PRKCQ: variants seen among roughly 807,000 people sequenced by gnomAD.
The protein encoded by PRKCQ is protein kinase C theta.
In PRKCQ, 41 loss-of-function variants were observed where a neutral mutation model predicts 91.2. The ratio of observed to expected loss-of-function variants is 0.45; its 90% CI spans 0.35 to 0.58. The LOEUF (loss-of-function observed/expected upper bound fraction) is 0.58, where lower values mean the gene tolerates loss of function less well. PRKCQ is among the 20% of genes least tolerant of loss of function. PRKCQ has a pLI of 0.00. For synonymous variants in PRKCQ, 307 were observed against 316.9 expected, an observed-to-expected ratio of 0.97 and a Z score of 0.33; for missense variants, 673 against 896.5, an observed-to-expected ratio of 0.75 and a Z score of 3.18.
At chr10:6,484,777 T>TC (rs1374635484) in intron 10 of PRKCQ, among the ~76,000 whole-genome samples, 1 of 152,194 alleles carries the variant, frequency 6.6e-6, no homozygotes, top group Non-Finnish European at 1.5e-5. Context: ...TCCTTCTCTT[T>TC]CCTACCCTTA....
Position 6,430,845 on chromosome 10 carries a change from G to A in PRKCQ, c.1930C>T (p.Arg644Trp), listed in dbSNP as rs201623843. ...FREINWEELE[R>W]KEIDPPFRPK... ...CGGAACGGTGGGTCAATCTCCTTCC[G>A]TTCAAGTTCCTCCCAGTTGATCTCC... Residue 644 changes from arginine to tryptophan, a missense_variant, in exon 17 of 18, where the codon CGG becomes TGG. Transcript: ENST00000263125. This position sits in a 1 kb window ranked among gnomAD's most constrained non-coding sequence, Gnocchi z 4.7. 5 of 1,614,064 alleles carry A rather than the reference G, an allele frequency of 3.1e-6. No individual in the cohort carries two copies. The highest frequency in any genetic ancestry group is 1.1e-5 in the South Asian group (1 of 91,074).
Position 6,532,467 on chromosome 10 carries a change from A to G in PRKCQ, c.-9-17323T>C, listed in dbSNP as rs370735756. Among the ~76,000 whole-genome samples the G allele has an allele frequency of 2.0e-5, 3 of 151,636 alleles. No individual in the cohort carries two copies. The South Asian group carries it at 6.3e-4, about 32-fold the overall frequency. On this transcript the variant is annotated intron_variant, in intron 1 of 17. Coordinates refer to ENST00000263125, the MANE Select transcript of PRKCQ (RefSeq NM_006257.5). ...ATGTGCTTCGGTCTACAGTCATCCC[A>G]CCCCGACTGCACCCAATCTTGACAT...
chr10:6,471,475 G>A (rs10906654), intron 12 of PRKCQ, among the ~76,000 whole-genome samples: 46,088 of 152,022 alleles, frequency 0.3, 7,652 homozygotes, highest in Non-Finnish European at 0.35. Flanking sequence ...GGGCATGGTG[G>A]CTCATGCCTG....
At chr10:6,549,085 T>C (rs1840083814) in intron 1 of PRKCQ, among the ~76,000 whole-genome samples, 1 of 152,128 alleles carries the variant, frequency 6.6e-6, no homozygotes, top group East Asian at 1.9e-4. Flanking sequence ...TCCAAGGGCT[T>C]ACATTCTAAT....
intron 1 of PRKCQ, among the ~76,000 whole-genome samples, chr10:6,536,505 CT>C (rs112978853): frequency 0.039 from 6,005 of 152,230 alleles, 331 homozygotes; most frequent in African/African-American, 0.12. Flanking sequence ...GCAGACAAGG[CT>C]ATAACTGAAA....
At chr10:6,460,578 G>A (rs1426715088) in intron 14 of PRKCQ, among the ~76,000 whole-genome samples, 2 of 151,736 alleles carry the variant, frequency 1.3e-5, no homozygotes, top group Non-Finnish European at 2.9e-5. Context: ...TGCAACCTCC[G>A]CCTAACAGGT....
intron 1 of PRKCQ, among the ~76,000 whole-genome samples, chr10:6,570,798 A>C (rs1424047197): frequency 6.6e-6 from 1 of 151,620 alleles, no homozygotes; most frequent in Non-Finnish European, 1.5e-5. Context: ...CAAGTGATTC[A>C]CCCACCTTGG....
At chr10:6,471,766 C>T (rs1490946813) in intron 12 of PRKCQ, among the ~76,000 whole-genome samples, 3 of 151,482 alleles carry the variant, frequency 2.0e-5, no homozygotes, top group African/African-American at 7.3e-5. Flanking sequence ...AACAAACAAA[C>T]ACAACAATGA....
chr10:6,453,450 G>A (rs976331056), intron 15 of PRKCQ, among the ~76,000 whole-genome samples: 2 of 152,184 alleles, frequency 1.3e-5, no homozygotes, highest in African/African-American at 4.8e-5. Context: ...GGAGAAATAG[G>A]AACACTTTTA....
At chr10:6,555,345 C>T (rs1274061146) in intron 1 of PRKCQ, among the ~76,000 whole-genome samples, 1 of 151,998 alleles carries the variant, frequency 6.6e-6, no homozygotes, top group Admixed American at 6.6e-5. Flanking sequence ...TAGACATTAA[C>T]ACAGACTGGT....
chr10:6,474,586 G>C (rs953728263), intron 12 of PRKCQ, among the ~76,000 whole-genome samples: 1 of 152,136 alleles, frequency 6.6e-6, no homozygotes, highest in Non-Finnish European at 1.5e-5. Flanking sequence ...TTTTATCAGA[G>C]ATAGAACACA....
At chr10:6,578,164 A>G (rs1180479699) in intron 1 of PRKCQ, among the ~76,000 whole-genome samples, 1 of 152,220 alleles carries the variant, frequency 6.6e-6, no homozygotes, top group East Asian at 1.9e-4. Flanking sequence ...TGAGGTGTGA[A>G]TAATCGAACA....
the PRKCQ span, among the ~76,000 whole-genome samples, chr10:6,396,328 T>G: frequency 2.0e-5 from 3 of 152,208 alleles, no homozygotes; most frequent in Non-Finnish European, 4.4e-5. Context: ...AAGTATACAA[T>G]TCAATGCTTT....
the PRKCQ span, among the ~76,000 whole-genome samples, chr10:6,394,805 G>T: frequency 6.6e-6 from 1 of 152,220 alleles, no homozygotes; most frequent in Non-Finnish European, 1.5e-5. Flanking sequence ...AATAGTGATT[G>T]TGTCAAATAA....
At chr10:6,486,259 C>G in intron 8 of PRKCQ, 115 bp from the exon 9 acceptor site, 1 of 818,874 alleles carries the variant, frequency 1.2e-6, no homozygotes, top group Admixed American at 2.2e-5. Context: ...TAAAGTGCCA[C>G]GGCTGGGAGG....
chr10:6,485,340 T>C, intron 9 of PRKCQ, 71 bp from the exon 10 acceptor site: 2 of 1,202,970 alleles, frequency 1.7e-6, no homozygotes, highest in Non-Finnish European at 2.5e-6. Context: ...CTGCTAACGA[T>C]GGGGACAAAG....
At chr10:6,531,345 C>G (rs1407000494) in intron 1 of PRKCQ, among the ~76,000 whole-genome samples, 2 of 151,642 alleles carry the variant, frequency 1.3e-5, no homozygotes, top group African/African-American at 4.9e-5. Context: ...TGTTGCTCCT[C>G]TGAGCAACAT....
At chr10:6,501,335 G>A (rs921941292) in intron 4 of PRKCQ, among the ~76,000 whole-genome samples, 1 of 152,122 alleles carries the variant, frequency 6.6e-6, no homozygotes, top group African/African-American at 2.4e-5. Flanking sequence ...AATGCAGTAT[G>A]TCTTGGGAAT....
chr10:6,526,614 G>C (rs1181176987), intron 1 of PRKCQ, among the ~76,000 whole-genome samples: 1 of 152,144 alleles, frequency 6.6e-6, no homozygotes, highest in Non-Finnish European at 1.5e-5. Context: ...GCCGAAACAT[G>C]GGTGTGAGGT....
Sources: gnomAD v4.1 joint callset for allele counts (sites outside exome capture counted in the v4.1 genomes callset) on GRCh38, gnomAD v4.1.1 for gene constraint, Gnocchi (gnomAD v3.1) non-coding constraint, MANE v1.5 for transcripts, NCBI Gene and HGNC (gene_info 2026-07-23, HGNC 2026-07-21) for gene names.